Variants in DLGAP1 observed in about 807,000 individuals in gnomAD.
The protein encoded by DLGAP1 is disks large-associated protein 1.
DLGAP1 carries 11 observed loss-of-function variants against 90.8 expected under a neutral mutation model. The observed-to-expected ratio is 0.12, with a 90% CI of 0.08 to 0.20. The LOEUF is 0.20. Ranked by LOEUF, DLGAP1 falls within the 10% of genes least tolerant of loss-of-function variation. DLGAP1 has a pLI of 1.00. For missense variants in DLGAP1, 1,050 were observed against 1,333.8 expected (o/e 0.79, Z 3.31); for synonymous variants, 558 against 540.7 (o/e 1.03, Z -0.44).
rs375283433 is a variant in DLGAP1, at chr18:3,874,707, G to C, written c.957+4405C>G. On this transcript the variant is annotated intron_variant, in intron 4 of 12. Coordinates refer to ENST00000315677, the MANE Select transcript of DLGAP1 (RefSeq NM_004746.4). Reference sequence around the variant, plus strand: ...ACAGTTTTAATGTCTTCAAATCCATGTTCCTGCTCCCAACCCTAATACAGA... The same window carrying C: ...ACAGTTTTAATGTCTTCAAATCCATCTTCCTGCTCCCAACCCTAATACAGA... 3.3e-5 allele frequency: 51 copies of C among 1,533,920 alleles called. No homozygotes were observed. Among genetic ancestry groups the C allele is most frequent in the East Asian group, 1.5e-4 (6 of 40,908 alleles).
In DLGAP1 at chr18:3,499,935, T is replaced by C. The variant is rs2049841986; in HGVS notation, c.2725-541A>G. Reference sequence around the variant, plus strand: ...GAAGAAGAGATATCAGATTGTGTTCTTTAGCTTTGTTGGTGCTACACCAGG... The same window carrying C: ...GAAGAAGAGATATCAGATTGTGTTCCTTAGCTTTGTTGGTGCTACACCAGG... On this transcript the variant is annotated intron_variant, in intron 12 of 12. Transcript: ENST00000315677. This position sits in a 1 kb window ranked among gnomAD's most constrained non-coding sequence, Gnocchi z 6.4. 6.6e-6 allele frequency among the ~76,000 whole-genome samples: 1 copy of C among 152,222 alleles called. No homozygotes were observed. The highest frequency in any genetic ancestry group is 1.5e-5 in the Non-Finnish European group (1 of 68,030).
At chr18:3,554,214 C>A (rs1488678518) in intron 9 of DLGAP1, among the ~76,000 whole-genome samples, 3 of 152,146 alleles carry the variant, frequency 2.0e-5, no homozygotes, top group African/African-American at 7.2e-5. Flanking sequence ...GGACATGATG[C>A]TGGAGACTTC....
At chr18:4,240,401 T>C (rs1263121055) in intron 1 of DLGAP1, among the ~76,000 whole-genome samples, 1 of 152,074 alleles carries the variant, frequency 6.6e-6, no homozygotes. Flanking sequence ...AAAATAAAGA[T>C]ATTAGAAAGA....
intron 7 of DLGAP1, among the ~76,000 whole-genome samples, chr18:3,672,327 C>T (rs2060119003): frequency 6.6e-6 from 1 of 151,772 alleles, no homozygotes; most frequent in Admixed American, 6.6e-5. Flanking sequence ...CCTGCAATCC[C>T]AGCACTTTGG....
chr18:4,228,108 GA>G (rs35904974), intron 1 of DLGAP1, among the ~76,000 whole-genome samples: 16 of 145,208 alleles, frequency 1.1e-4, no homozygotes, highest in East Asian at 2.0e-4. Flanking sequence ...TAGAAGAAAT[GA>G]AAAAAAAAAT....
intron 4 of DLGAP1, among the ~76,000 whole-genome samples, chr18:3,875,921 G>C (rs920787690): frequency 1.4e-4 from 21 of 151,948 alleles, no homozygotes; most frequent in African/African-American, 5.1e-4. Flanking sequence ...GAACGCTCCG[G>C]GAACTAGAAG....
intron 1 of DLGAP1, among the ~76,000 whole-genome samples, chr18:4,440,683 G>T (rs2083515847): frequency 6.6e-6 from 1 of 152,162 alleles, no homozygotes; most frequent in Non-Finnish European, 1.5e-5. Context: ...TGTCATCTGT[G>T]TGACAGCTAG....
intron 1 of DLGAP1, among the ~76,000 whole-genome samples, chr18:4,447,258 A>G (rs893430344): frequency 6.9e-6 from 1 of 145,548 alleles, no homozygotes; most frequent in East Asian, 2.5e-4. Context: ...GTCCATCAAC[A>G]AAGATTGATA....
intron 1 of DLGAP1, among the ~76,000 whole-genome samples, chr18:4,426,125 C>T (rs901610303): frequency 7.2e-5 from 11 of 152,148 alleles, no homozygotes; most frequent in Admixed American, 7.2e-4. Context: ...CATAGAGCAG[C>T]ATGGCTGTGT....
At chr18:4,095,966 G>C (rs2075670828) in intron 2 of DLGAP1, among the ~76,000 whole-genome samples, 1 of 152,108 alleles carries the variant, frequency 6.6e-6, no homozygotes. Context: ...GTGTTTACCT[G>C]AAACTGCCTG....
intron 2 of DLGAP1, among the ~76,000 whole-genome samples, chr18:4,098,062 C>A (rs769652947): frequency 6.6e-6 from 1 of 152,170 alleles, no homozygotes; most frequent in African/African-American, 2.4e-5. Flanking sequence ...TACAGGCCCA[C>A]GCCACTATGC....
At chr18:4,373,005 A>C (rs186275023) in intron 1 of DLGAP1, among the ~76,000 whole-genome samples, 18 of 152,274 alleles carry the variant, frequency 1.2e-4, no homozygotes, top group Admixed American at 2.6e-4. Context: ...TAATGCACAT[A>C]ACTGTGTACA....
chr18:3,606,471 T>C (rs1473423067), intron 7 of DLGAP1: 1 of 152,146 alleles, frequency 6.6e-6, no homozygotes, highest in Admixed American at 6.5e-5. Flanking sequence ...CTAATTGTAA[T>C]ATGTTGTACT....
At chr18:4,402,610 C>T (rs536669007) in intron 1 of DLGAP1, among the ~76,000 whole-genome samples, 1 of 152,206 alleles carries the variant, frequency 6.6e-6, no homozygotes, top group South Asian at 2.1e-4. Context: ...ATCTCAAAGC[C>T]AATTTTTTTT....
intron 4 of DLGAP1, among the ~76,000 whole-genome samples, chr18:3,819,415 A>ACAC (rs1228635900): frequency 6.6e-6 from 1 of 152,232 alleles, no homozygotes; most frequent in Non-Finnish European, 1.5e-5. Context: ...TAAAACGTGT[A>ACAC]AACTATGGCT....
At chr18:4,005,931 T>G (rs2074292923) in intron 2 of DLGAP1, among the ~76,000 whole-genome samples, 1 of 152,226 alleles carries the variant, frequency 6.6e-6, no homozygotes, top group South Asian at 2.1e-4. Context: ...ATATGTAATC[T>G]CTAAATGGTG....
intron 10 of DLGAP1, among the ~76,000 whole-genome samples, chr18:3,528,027 C>A (rs2051760880): frequency 6.6e-6 from 1 of 152,112 alleles, no homozygotes; most frequent in African/African-American, 2.4e-5. Flanking sequence ...TTCTGGTACC[C>A]CACAAAATAA....
At chr18:3,688,838 G>C (rs1453484171) in intron 7 of DLGAP1, among the ~76,000 whole-genome samples, 1 of 151,936 alleles carries the variant, frequency 6.6e-6, no homozygotes, top group African/African-American at 2.4e-5. Flanking sequence ...TCTTTCATCC[G>C]GCCTCCTTTC....
chr18:3,554,667 C>A (rs1443289432), intron 9 of DLGAP1, among the ~76,000 whole-genome samples: 1 of 152,188 alleles, frequency 6.6e-6, no homozygotes, highest in Non-Finnish European at 1.5e-5. Flanking sequence ...GTTATTGAAG[C>A]AGATAGGGCT....
Sources: gnomAD v4.1 joint callset for allele counts (sites outside exome capture counted in the v4.1 genomes callset) on GRCh38, gnomAD v4.1.1 for gene constraint, Gnocchi (gnomAD v3.1) non-coding constraint, MANE v1.5 for transcripts, NCBI Gene and HGNC (gene_info 2026-07-23, HGNC 2026-07-21) for gene names.